ANKS1B: variants seen among roughly 807,000 people sequenced by gnomAD.
ANKS1B encodes ankyrin repeat and sterile alpha motif domain containing 1B, also known as ankyrin repeat and sterile alpha motif domain-containing protein 1B.
ANKS1B carries 36 observed loss-of-function variants against 148.3 expected under a neutral mutation model. The ratio of observed to expected loss-of-function variants is 0.24; its 90% CI spans 0.19 to 0.32. The LOEUF is 0.32. Ranked by LOEUF, ANKS1B falls within the 10% of genes least tolerant of loss-of-function variation. The pLI is 1.00. For synonymous variants in ANKS1B, 542 were observed against 560.8 expected, an observed-to-expected ratio of 0.97 and a Z score of 0.47; for missense variants, 1,157 against 1,542.6, an observed-to-expected ratio of 0.75 and a Z score of 4.19.
At chr12:99,542,197 A>T (rs1469750779) in intron 9 of ANKS1B, among the ~76,000 whole-genome samples, 1 of 152,228 alleles carries the variant, frequency 6.6e-6, no homozygotes, top group East Asian at 1.9e-4. Context: ...ATTTGAAATA[A>T]TGGACAAGTT....
At chr12:99,354,580 A>C (rs1055213305) in intron 12 of ANKS1B, among the ~76,000 whole-genome samples, 2 of 152,060 alleles carry the variant, frequency 1.3e-5, no homozygotes, top group Non-Finnish European at 2.9e-5. Context: ...GAATACCCAA[A>C]AGAAATGCTC....
chr12:99,492,180 G>A (rs2096561761), intron 10 of ANKS1B, among the ~76,000 whole-genome samples: 1 of 151,902 alleles, frequency 6.6e-6, no homozygotes, highest in African/African-American at 2.4e-5. Flanking sequence ...AGAAAAGAGA[G>A]AAGGTCTAAA....
intron 12 of ANKS1B, among the ~76,000 whole-genome samples, chr12:99,347,707 G>A (rs559737428): frequency 1.3e-5 from 2 of 152,016 alleles, no homozygotes; most frequent in East Asian, 3.9e-4. Flanking sequence ...CCCAAGACAA[G>A]TAGCAATAAC....
intron 12 of ANKS1B, among the ~76,000 whole-genome samples, chr12:99,357,376 T>G (rs892870933): frequency 1.3e-5 from 2 of 152,136 alleles, no homozygotes; most frequent in African/African-American, 2.4e-5. Context: ...CCCTGCATGA[T>G]AGTTAACCCT....
chr12:99,948,318 CA>C (rs1051893656), intron 1 of ANKS1B, among the ~76,000 whole-genome samples: 1 of 149,248 alleles, frequency 6.7e-6, no homozygotes, highest in Non-Finnish European at 1.5e-5. Context: ...AAAAGTATGC[CA>C]TCCTGGCCAT....
intron 14 of ANKS1B, among the ~76,000 whole-genome samples, chr12:99,175,112 T>C (rs2078236024): frequency 6.6e-6 from 1 of 152,216 alleles, no homozygotes; most frequent in Admixed American, 6.5e-5. Flanking sequence ...TATAGTCACA[T>C]GCATTTTGTT....
At chr12:99,620,570 G>T (rs2098035359) in intron 9 of ANKS1B, among the ~76,000 whole-genome samples, 1 of 152,128 alleles carries the variant, frequency 6.6e-6, no homozygotes, top group Non-Finnish European at 1.5e-5. Context: ...ATTTGAAATT[G>T]AAAGGAATTG....
intron 9 of ANKS1B, among the ~76,000 whole-genome samples, chr12:99,593,795 G>C (rs1317185778): frequency 6.6e-6 from 1 of 151,972 alleles, no homozygotes; most frequent in East Asian, 1.9e-4. Context: ...AATTCCATGA[G>C]AACTTATTAT....
chr12:98,974,901 A>C (rs56059759), intron 17 of ANKS1B, among the ~76,000 whole-genome samples: 37,572 of 102,274 alleles, frequency 0.37, 5,275 homozygotes, highest in African/African-American at 0.5. Flanking sequence ...TTCCTTTCCT[A>C]CCTCCCTCCC....
chr12:99,781,787 T>C (rs2064355279), intron 5 of ANKS1B, among the ~76,000 whole-genome samples: 1 of 152,182 alleles, frequency 6.6e-6, no homozygotes, highest in South Asian at 2.1e-4. Context: ...CATAAAATTG[T>C]AATAACAAAG....
intron 12 of ANKS1B, among the ~76,000 whole-genome samples, chr12:99,377,892 C>T (rs1000745203): frequency 6.6e-6 from 1 of 152,168 alleles, no homozygotes; most frequent in Non-Finnish European, 1.5e-5. Context: ...AGGTTTGTGA[C>T]TTGCTTGTAA....
chr12:99,982,269 T>A (rs777513007), intron 1 of ANKS1B, among the ~76,000 whole-genome samples: 4 of 151,494 alleles, frequency 2.6e-5, no homozygotes, highest in Non-Finnish European at 4.4e-5. Context: ...ACTATTTTGA[T>A]ACTTTAGTGT....
chr12:99,632,742 TA>T (rs1567522380), intron 9 of ANKS1B, among the ~76,000 whole-genome samples: 17 of 71,010 alleles, frequency 2.4e-4, no homozygotes, highest in South Asian at 5.3e-4. Flanking sequence ...TATATATATA[TA>T]TATATATATA....
At chr12:98,868,728 C>G (rs2099638239) in intron 17 of ANKS1B, among the ~76,000 whole-genome samples, 1 of 152,212 alleles carries the variant, frequency 6.6e-6, no homozygotes, top group Non-Finnish European at 1.5e-5. Context: ...GACCTGACCC[C>G]ATCTGATTAT....
intron 9 of ANKS1B, among the ~76,000 whole-genome samples, chr12:99,653,104 T>C (rs889207007): frequency 6.6e-6 from 1 of 152,106 alleles, no homozygotes. Context: ...AATACCAGTC[T>C]TCACCAAGGA....
At chr12:99,812,738 A>C (rs945729283) in intron 2 of ANKS1B, among the ~76,000 whole-genome samples, 1 of 151,642 alleles carries the variant, frequency 6.6e-6, no homozygotes, top group Non-Finnish European at 1.5e-5. Flanking sequence ...CAGATAGCCC[A>C]TATCTGAGAT....
At chr12:98,815,215 G>A (rs169305) in intron 19 of ANKS1B, among the ~76,000 whole-genome samples, 43,243 of 151,938 alleles carry the variant, frequency 0.28, 8,016 homozygotes, top group East Asian at 0.7. Context: ...CATCACCCTC[G>A]GTTTCCTGCT....
At chr12:98,977,889 T>C (rs1271584139) in intron 17 of ANKS1B, among the ~76,000 whole-genome samples, 2 of 152,148 alleles carry the variant, frequency 1.3e-5, no homozygotes, top group African/African-American at 4.8e-5. Context: ...TAAAGAGTGA[T>C]ATAGATTCAG....
At chr12:99,616,080 C>T (rs1034547046) in intron 9 of ANKS1B, among the ~76,000 whole-genome samples, 1 of 152,068 alleles carries the variant, frequency 6.6e-6, no homozygotes, top group Non-Finnish European at 1.5e-5. Flanking sequence ...ATACAACTTA[C>T]AAGGGATGTG....
Sources: gnomAD v4.1 joint callset for allele counts (sites outside exome capture counted in the v4.1 genomes callset) on GRCh38, gnomAD v4.1.1 for gene constraint, MANE v1.5 for transcripts, NCBI Gene and HGNC (gene_info 2026-07-23, HGNC 2026-07-21) for gene names.